The following FANCF variants were observed in gnomAD, a reference collection of about 807,000 sequenced individuals.
FANCF encodes the protein Fanconi anemia group F protein.
For synonymous variants in FANCF, 257 were observed against 205.9 expected (o/e 1.25, Z -2.13); for missense variants, 552 against 481.8 (o/e 1.15, Z -1.36).
At position 22,624,747 on chromosome 11, in the gene FANCF, C is replaced by T. The variant is rs758175326; in HGVS notation, c.1064G>A (p.Arg355His). The change falls in exon 1 of 1, where the codon CGT (arginine) becomes CAT (histidine). Residue 355 changes from arginine to histidine, a missense_variant. Physicochemically the swap from Arg to His is conservative, Grantham distance 29 (BLOSUM62 0). Transcript: ENST00000327470. ...TTGTCTTTTCCTAAATGCACCACTACGAAGAGCTAATAAGAGGTCTGTCCA... is the reference window on the plus strand; with the variant it reads ...TTGTCTTTTCCTAAATGCACCACTATGAAGAGCTAATAAGAGGTCTGTCCA... Reference protein sequence around the residue: ...SIWTDLLLALRSGAFRKRQVL... With the variant: ...SIWTDLLLALHSGAFRKRQVL... The T allele has an allele frequency of 3.1e-6, 5 of 1,614,160 alleles. No homozygotes were observed. Among genetic ancestry groups the T allele is most frequent in the Non-Finnish European group, 3.4e-6 (4 of 1,180,028 alleles).
chr11:22,624,587 T>C lies in FANCF; in HGVS notation c.*99A>G, dbSNP rs1858610583. On this transcript the variant is annotated 3_prime_UTR_variant, in exon 1 of 1. Coordinates refer to ENST00000327470, the MANE Select transcript of FANCF (RefSeq NM_022725.4). ...TATTCAAAATTAGCATCTAAAATAA[T>C]TATACTTTGGACACACGAAGGCATA... The C allele has an allele frequency of 1.9e-6, 2 of 1,039,094 alleles. No homozygotes were observed. The highest frequency in any genetic ancestry group is 2.9e-6 in the Non-Finnish European group (2 of 680,038). The allele number at this position is 1,039,094 out of a possible 1,614,324, so 64.4% of individuals were successfully genotyped here.
rs554712164 is a variant in FANCF, at chr11:22,625,579, G to T, written c.232C>A (p.Pro78Thr). ...AGGGCCTGGAAGTTCGCTAATCCCG[G>T]AACTGGACCCCGCCCAAAGCCGCCC... Reference protein sequence around the residue: ...QEGGFGRGPVPGLANFQALGH... With the variant: ...QEGGFGRGPVTGLANFQALGH... Residue 78 changes from proline (P) to threonine (T), a missense_variant, in exon 1 of 1, where the codon CCG (proline) becomes ACG (threonine). Physicochemically the swap from Pro to Thr is conservative, Grantham distance 38. Transcript: ENST00000327470. 5.0e-6 allele frequency: 8 copies of T among 1,613,932 alleles called. No individual in the cohort carries two copies. In the Admixed American group the frequency reaches 1.0e-4, roughly 20 times the overall value.
rs552500538 is a variant in FANCF, at chr11:22,625,541, G to T, written c.270C>A (p.Asp90Glu). 1.9e-6 allele frequency: 3 copies of T among 1,614,124 alleles called. No individual in the cohort carries two copies. The highest frequency in any genetic ancestry group is 2.5e-6 in the Non-Finnish European group (3 of 1,180,034). ...CCAGCAGGCGCAGAGAGAGCAGGAC[G>T]TCACAGTGACCGAGGGCCTGGAAGT... is the stretch of plus-strand genomic sequence containing the variant. ...LANFQALGHCDVLLSLRLLEN... is the reference protein window; with the variant it reads ...LANFQALGHCEVLLSLRLLEN... The change falls in exon 1 of 1, where the codon GAC becomes GAA. Residue 90 changes from aspartate to glutamate, a missense_variant. Transcript: ENST00000327470.
At position 22,625,771 on chromosome 11, in the gene FANCF, G is replaced by A. The variant is rs2133798843; in HGVS notation, c.40C>T (p.Leu14Phe). The A allele has an allele frequency of 6.2e-7, 1 of 1,614,188 alleles. No homozygotes were observed. Among genetic ancestry groups the A allele is most frequent in the Non-Finnish European group, 8.5e-7 (1 of 1,180,048 alleles). The change falls in exon 1 of 1, where the codon CTT (leucine) becomes TTT (phenylalanine). Residue 14 changes from leucine (L) to phenylalanine (F), a missense_variant. Transcript: ENST00000327470. Reference sequence around the variant, plus strand: ...TAGGTAGTGCTTGAGACCGCCAGAAGCTCGGAAAAGCGATCCAGGTGCTGC... The same window carrying A: ...TAGGTAGTGCTTGAGACCGCCAGAAACTCGGAAAAGCGATCCAGGTGCTGC... ...LLQHLDRFSE[L>F]LAVSSTTYVS...
In FANCF at chr11:22,625,795, G is replaced by C. The variant is rs104894221; in HGVS notation, c.16C>G (p.Gln6Glu). 4 of 1,614,132 alleles carry C rather than the reference G, an allele frequency of 2.5e-6. No homozygotes were observed. The highest frequency in any genetic ancestry group is 1.7e-6 in the Non-Finnish European group (2 of 1,180,036). The change falls in exon 1 of 1, where the codon CAG becomes GAG. Residue 6 changes from glutamine to glutamate, a missense_variant. By Grantham distance (29) the Gln-to-Glu change is conservative. Transcript: ENST00000327470. Reference sequence around the variant, plus strand: ...AGCTCGGAAAAGCGATCCAGGTGCTGCAGAAGGGATTCCATGAGGTGCGCG... The same window carrying C: ...AGCTCGGAAAAGCGATCCAGGTGCTCCAGAAGGGATTCCATGAGGTGCGCG... MESLL[Q>E]HLDRFSELLA...
chr11:22,625,505 G>A lies in FANCF; in HGVS notation c.306C>T (p.Ala102=). The change falls in exon 1 of 1, where the codon GCC becomes GCT. Residue 102 remains alanine, a synonymous_variant. Transcript: ENST00000327470. ...GGTGGTAACGAGCTGCATCCCCGAG[G>A]GCCCGGTTCTCCAGCAGGCGCAGAG... is the stretch of plus-strand genomic sequence containing the variant. ...LLSLRLLENR[A]LGDAARYHLV... is the part of the protein sequence containing the mutation. The A allele has an allele frequency of 1.2e-6, 2 of 1,614,188 alleles. No individual in the cohort carries two copies. Among genetic ancestry groups the A allele is most frequent in the Non-Finnish European group, 1.7e-6 (2 of 1,180,032 alleles).
In FANCF at chr11:22,625,079, A is replaced by C; in HGVS notation, c.732T>G (p.Asn244Lys). 6.2e-7 allele frequency: 1 copy of C among 1,613,990 alleles called. No individual in the cohort carries two copies. The highest frequency in any genetic ancestry group is 2.2e-5 in the East Asian group (1 of 44,876). The change falls in exon 1 of 1, where the codon AAT becomes AAG. Residue 244 changes from asparagine to lysine, a missense_variant. By Grantham distance (94) the Asn-to-Lys change is moderately conservative. Coordinates refer to ENST00000327470, the MANE Select transcript of FANCF (RefSeq NM_022725.4). ...SQVLVHWLLG[N>K]SEVFAAFCRA... ...GACAAAAGGCAGCAAAGACTTCCGA[A>C]TTCCCCAGAAGCCAGTGGACTAGCA...
Position 22,625,356 on chromosome 11 carries a change from CTA to C in FANCF, c.453_454del (p.Tyr151Ter). On this transcript the variant is annotated stop_gained and frameshift_variant, in exon 1 of 1. Transcript: ENST00000327470. LOFTEE classifies it low-confidence loss of function (END_TRUNC). ...GTCCTCCTGGAGATTTGGGTTCTCTCTATAGCCATTGAAGCGCAGCATGTGCA... is the reference window on the plus strand; with the variant it reads ...GTCCTCCTGGAGATTTGGGTTCTCTCTAGCCATTGAAGCGCAGCATGTGCA... The C allele has an allele frequency of 6.2e-7, 1 of 1,614,238 alleles. No individual in the cohort carries two copies. Among genetic ancestry groups the C allele is most frequent in the Non-Finnish European group, 8.5e-7 (1 of 1,180,042 alleles).
At position 22,625,712 on chromosome 11, in the gene FANCF, C is replaced by T. The variant is rs1217887732; in HGVS notation, c.99G>A (p.Arg33=). 1 of 1,614,096 alleles carries T rather than the reference C, an allele frequency of 6.2e-7. No individual in the cohort carries two copies. Among genetic ancestry groups the T allele is most frequent in the East Asian group, 2.2e-5 (1 of 44,866 alleles). The part of the protein sequence containing the change: ...VSTWDPATVR[R]ALQWARYLRH... Reference sequence around the variant, plus strand: ...GCAGGTAGCGCGCCCACTGCAAGGCCCGGCGCACGGTGGCGGGGTCCCAGG... The same window carrying T: ...GCAGGTAGCGCGCCCACTGCAAGGCTCGGCGCACGGTGGCGGGGTCCCAGG... Residue 33 remains arginine, a synonymous_variant, in exon 1 of 1, where the codon CGG becomes CGA. Transcript: ENST00000327470.
At position 22,624,870 on chromosome 11, in the gene FANCF, A is replaced by C; in HGVS notation, c.941T>G (p.Leu314Arg). 6.2e-7 allele frequency: 1 copy of C among 1,614,172 alleles called. No individual in the cohort carries two copies. The highest frequency in any genetic ancestry group is 8.5e-7 in the Non-Finnish European group (1 of 1,180,034). Reference protein sequence around the residue: ...WEELHNRFQSLCQAPPPLKDK... With the variant: ...WEELHNRFQSRCQAPPPLKDK... ...TTTCAGAGGTGGAGGGGCCTGACAG[A>C]GGCTTTGAAACCTATTGTGCAACTC... The change falls in exon 1 of 1, where the codon CTC becomes CGC. Residue 314 changes from leucine (L) to arginine (R), a missense_variant. Transcript: ENST00000327470.
chr11:22,624,964 G>C lies in FANCF; in HGVS notation c.847C>G (p.Gln283Glu). 2 of 1,614,184 alleles carry C rather than the reference G, an allele frequency of 1.2e-6. No homozygotes were observed. The highest frequency in any genetic ancestry group is 1.7e-6 in the Non-Finnish European group (2 of 1,180,040). The change falls in exon 1 of 1, where the codon CAA becomes GAA. Residue 283 changes from glutamine to glutamate, a missense_variant. Coordinates refer to ENST00000327470, the MANE Select transcript of FANCF (RefSeq NM_022725.4). ...TTCTGAAGGTCATAGTGCAAACGTT[G>C]ACCCCAGTCTGTTAGCAGACCCAGA... is the stretch of plus-strand genomic sequence containing the variant. ...VYLGLLTDWG[Q>E]RLHYDLQKGI...
chr11:22,625,045 G>C lies in FANCF; in HGVS notation c.766C>G (p.Pro256Ala). The C allele has an allele frequency of 6.2e-7, 1 of 1,614,148 alleles. No homozygotes were observed. Among genetic ancestry groups the C allele is most frequent in the Non-Finnish European group, 8.5e-7 (1 of 1,180,016 alleles). The change falls in exon 1 of 1, where the codon CCA becomes GCA. Residue 256 changes from proline (P) to alanine (A), a missense_variant. By Grantham distance (27) the Pro-to-Ala change is conservative (BLOSUM62 -1). Coordinates refer to ENST00000327470, the MANE Select transcript of FANCF (RefSeq NM_022725.4). ...EVFAAFCRAL[P>A]AGLLTLVTSR... ...GTCACTAAAGTCAAAAGCCCGGCTGGGAGGGCGCGACAAAAGGCAGCAAAG... is the reference window on the plus strand; with the variant it reads ...GTCACTAAAGTCAAAAGCCCGGCTGCGAGGGCGCGACAAAAGGCAGCAAAG...
Position 22,624,250 on chromosome 11 carries a change from C to G in FANCF, c.*436G>C, listed in dbSNP as rs1858604541. On this transcript the variant is annotated 3_prime_UTR_variant, in exon 1 of 1. Transcript: ENST00000327470. ...CAAGGCCAAACTCCAGATAGGCCAA[C>G]AGCTTTTCAAACCAATATTCCTGAC... 1 of 279,442 alleles carries G rather than the reference C, an allele frequency of 3.6e-6. No homozygotes were observed. Among genetic ancestry groups the G allele is most frequent in the Non-Finnish European group, 6.9e-6 (1 of 145,308 alleles). The allele number at this position is 279,442 out of a possible 1,614,324, so 17.3% of individuals were successfully genotyped here.
At position 22,625,446 on chromosome 11, in the gene FANCF, C is replaced by G. The variant is rs773334179; in HGVS notation, c.365G>C (p.Arg122Pro). 6.8e-6 allele frequency: 11 copies of G among 1,613,980 alleles called. No homozygotes were observed. Among genetic ancestry groups the G allele is most frequent in the African/African-American group, 2.7e-5 (2 of 74,954 alleles). ...TTGGAGTGTCTCCTCATCGGCGTCC[C>G]GGACGCCCGGGCCGGGAAAGAGTTG... Reference protein sequence around the residue: ...VQQLFPGPGVRDADEETLQES... With the variant: ...VQQLFPGPGVPDADEETLQES... The change falls in exon 1 of 1, where the codon CGG becomes CCG. Residue 122 changes from arginine (R) to proline (P), a missense_variant. Coordinates refer to ENST00000327470, the MANE Select transcript of FANCF (RefSeq NM_022725.4).
Position 22,623,207 on chromosome 11 carries a change from T to A in FANCF, c.*1479A>T, listed in dbSNP as rs570056034. On this transcript the variant is annotated 3_prime_UTR_variant, in exon 1 of 1. Coordinates refer to ENST00000327470, the MANE Select transcript of FANCF (RefSeq NM_022725.4). ...GATTTATCTAGAAAAGTGTACTGAC[T>A]ACTGGAATAATAGTTTACCCCTGGG... The A allele has an allele frequency of 4.7e-6, 1 of 213,824 alleles. No homozygotes were observed. The highest frequency in any genetic ancestry group is 2.3e-5 in the African/African-American group (1 of 44,414). 13.2% of individuals were successfully genotyped at this position (213,824 alleles called of 1,614,324 possible). A position where few individuals can be genotyped will look rare whatever the true frequency, so the allele number is the denominator to read the frequency against.
chr11:22,624,478 A>G lies in FANCF; in HGVS notation c.*208T>C, dbSNP rs900272795. ...TTGCTAATTCCATGGCTTTAAGTGG[A>G]GTACTTCCAATCACTTCCTCTATCC... On this transcript the variant is annotated 3_prime_UTR_variant, in exon 1 of 1. Transcript: ENST00000327470. 1.7e-6 allele frequency: 1 copy of G among 597,740 alleles called. No individual in the cohort carries two copies. Among genetic ancestry groups the G allele is most frequent in the Non-Finnish European group, 2.9e-6 (1 of 339,242 alleles). 37.0% of individuals were successfully genotyped at this position (597,740 alleles called of 1,614,324 possible).
At position 22,625,193 on chromosome 11, in the gene FANCF, C is replaced by T. The variant is rs1056134185; in HGVS notation, c.618G>A (p.Ala206=). Residue 206 remains alanine (A), a synonymous_variant, in exon 1 of 1, where the codon GCG becomes GCA. Transcript: ENST00000327470. ...LPQNNFLKVI[A]VALLQPPLSR... ...ACAAAGGCGGCTGCAACAGCGCCAC[C>T]GCTATCACCTTCAGGAAGTTGTTCT... 1.9e-6 allele frequency: 3 copies of T among 1,611,880 alleles called. No individual in the cohort carries two copies. The highest frequency in any genetic ancestry group is 2.5e-6 in the Non-Finnish European group (3 of 1,178,826).
Position 22,625,304 on chromosome 11 carries a change from C to T in FANCF, c.507G>A (p.Leu169=), listed in dbSNP as rs1858627162. 1 of 1,614,250 alleles carries T rather than the reference C, an allele frequency of 6.2e-7. No homozygotes were observed. Among genetic ancestry groups the T allele is most frequent in the Non-Finnish European group, 8.5e-7 (1 of 1,180,052 alleles). ...EDSLMKTQAE[L]LLERLQEVGK... ...CCACCTCCTGCAGACGCTCCAGCAG[C>T]AGCTCCGCCTGGGTCTTCATCAGAG... is the stretch of plus-strand genomic sequence containing the variant. Residue 169 remains leucine, a synonymous_variant, in exon 1 of 1, where the codon CTG becomes CTA. Transcript: ENST00000327470.
In FANCF at chr11:22,624,085, G is replaced by A. The variant is rs1459940040; in HGVS notation, c.*601C>T. The A allele has an allele frequency of 4.3e-6, 1 of 234,216 alleles. No individual in the cohort carries two copies. The highest frequency in any genetic ancestry group is 6.1e-5 in the East Asian group (1 of 16,366). The allele number at this position is 234,216 out of a possible 1,614,324, so 14.5% of individuals were successfully genotyped here. On this transcript the variant is annotated 3_prime_UTR_variant, in exon 1 of 1. Transcript: ENST00000327470. Reference sequence around the variant, plus strand: ...TACTGTGCTTTAAACATTTGTCTGTGCGTCAATGCTTTAAAGGGACATACT... The same window carrying A: ...TACTGTGCTTTAAACATTTGTCTGTACGTCAATGCTTTAAAGGGACATACT...
Sources: gnomAD v4.1 joint callset for allele counts on GRCh38, gnomAD v4.1.1 for gene constraint, MANE v1.5 for transcripts, NCBI Gene and HGNC (gene_info 2026-07-23, HGNC 2026-07-21) for gene names.